PPP3CB: variants seen among roughly 807,000 people sequenced by gnomAD.
PPP3CB encodes serine/threonine-protein phosphatase 2B catalytic subunit beta isoform.
A neutral mutation model predicts 66.4 loss-of-function variants in PPP3CB; 8 were observed. The observed-to-expected ratio is 0.12, with a 90% CI of 0.07 to 0.22. The LOEUF (loss-of-function observed/expected upper bound fraction) is 0.22. PPP3CB is among the 10% of genes least tolerant of loss of function. The pLI is 1.00. For synonymous variants in PPP3CB, 208 were observed against 221.2 expected (o/e 0.94, Z 0.53); for missense variants, 319 against 642.5 (o/e 0.50, Z 5.44).
intron 1 of PPP3CB, among the ~76,000 whole-genome samples, chr10:73,480,634 C>T (rs1036226667): frequency 1.3e-5 from 2 of 151,750 alleles, no homozygotes; most frequent in African/African-American, 4.8e-5. Flanking sequence ...TAGTAGAGAC[C>T]GGGTTTCACC....
intron 12 of PPP3CB, among the ~76,000 whole-genome samples, chr10:73,443,312 G>T (rs1028874076): frequency 3.3e-4 from 44 of 131,578 alleles, no homozygotes; most frequent in African/African-American, 1.3e-3. Flanking sequence ...AAGAAAGAAA[G>T]AAAGAAAGAA....
intron 9 of PPP3CB, among the ~76,000 whole-genome samples, chr10:73,455,129 C>T (rs1450689428): frequency 6.6e-6 from 1 of 152,044 alleles, no homozygotes. Context: ...ATGATCCACC[C>T]GCCTTGGCCT....
intron 12 of PPP3CB, among the ~76,000 whole-genome samples, chr10:73,443,328 G>GAAAGAAAGAAAA (rs1425533106): frequency 4.9e-4 from 64 of 131,170 alleles, no homozygotes; most frequent in African/African-American, 1.9e-3. Context: ...AAGAAAGAAA[G>GAAAGAAAGAAAA]AAAAAGAAAG....
At chr10:73,479,577 A>G in intron 1 of PPP3CB, 60 bp from the exon 2 acceptor site, 1 of 1,485,096 alleles carries the variant, frequency 6.7e-7, no homozygotes, top group Non-Finnish European at 9.2e-7. Flanking sequence ...CTTAAAAACT[A>G]ATAATTGGAT....
At position 73,441,944 on chromosome 10, in the gene PPP3CB, A is replaced by T. The variant is rs148464235; in HGVS notation, c.1367-2043T>A. Among the ~76,000 whole-genome samples, 978 of 152,268 alleles carry T rather than the reference A, an allele frequency of 6.4e-3. 12 individuals carry two copies. Among genetic ancestry groups the T allele is most frequent in the African/African-American group, 0.022 (934 of 41,546 alleles). On this transcript the variant is annotated intron_variant, in intron 12 of 13. Transcript: ENST00000360663. ...ATAGGCACGAGGTCTTAGAATTAAA[A>T]TTTTTTCCTTTTGCAATACCTAACT...
intron 1 of PPP3CB, among the ~76,000 whole-genome samples, chr10:73,487,576 A>AC (rs2057001770): frequency 6.6e-6 from 1 of 151,098 alleles, no homozygotes; most frequent in East Asian, 1.9e-4. Flanking sequence ...AAAAAAAAAA[A>AC]AAAAAAAACA....
At chr10:73,469,386 T>G (rs1242384415) in intron 8 of PPP3CB, among the ~76,000 whole-genome samples, 1 of 152,004 alleles carries the variant, frequency 6.6e-6, no homozygotes, top group Non-Finnish European at 1.5e-5. Flanking sequence ...TATAAAAATA[T>G]AAAAATTAGC....
intron 9 of PPP3CB, among the ~76,000 whole-genome samples, chr10:73,460,902 A>G (rs2056509622): frequency 6.6e-6 from 1 of 152,238 alleles, no homozygotes; most frequent in African/African-American, 2.4e-5. Context: ...CTAGGTGCCC[A>G]GGGGCAGAGC....
intron 2 of PPP3CB, 105 bp downstream of exon 2, chr10:73,479,212 T>A: frequency 1.9e-6 from 2 of 1,037,642 alleles, no homozygotes; most frequent in East Asian, 4.8e-5. Flanking sequence ...AATGTCCAAG[T>A]AATATTGATT....
At chr10:73,462,140 CTTTTTTTTTT>C (rs1019088638) in intron 9 of PPP3CB, among the ~76,000 whole-genome samples, 32 of 94,218 alleles carry the variant, frequency 3.4e-4, no homozygotes, top group Admixed American at 3.9e-4. Context: ...TAAACTCCTT[CTTTTTTTTTT>C]TTTTTTTTTT....
In PPP3CB at chr10:73,471,493, A is replaced by T; in HGVS notation, c.644T>A (p.Ile215Lys). The change falls in exon 5 of 14, where the codon ATA (isoleucine) becomes AAA (lysine). Residue 215 changes from isoleucine to lysine, a missense_variant. Physicochemically the swap from Ile to Lys is moderately radical, Grantham distance 102. Transcript: ENST00000360663. ...TCTCCTAATATCATCCAGTGTGTGT[A>T]TTTCTGGTGAAAGTCCACCATGAAC... Reference protein sequence around the residue: ...LCVHGGLSPEIHTLDDIRRLD... With the variant: ...LCVHGGLSPEKHTLDDIRRLD... The T allele has an allele frequency of 6.2e-7, 1 of 1,610,496 alleles. No homozygotes were observed. Among genetic ancestry groups the T allele is most frequent in the Non-Finnish European group, 8.5e-7 (1 of 1,178,576 alleles).
chr10:73,471,596 C>G lies in PPP3CB; in HGVS notation c.541G>C (p.Glu181Gln), dbSNP rs1414271750. Residue 181 changes from glutamate (E) to glutamine (Q), a missense_variant, in exon 5 of 14, where the codon GAA becomes CAA. Glu to Gln is a conservative substitution (Grantham distance 29, BLOSUM62 2). Transcript: ENST00000360663. ...TCCATACAAGCTTCATAGACTCTTTCCGAATACTTAATTTTACCTAGAAAA... is the reference window on the plus strand; with the variant it reads ...TCCATACAAGCTTCATAGACTCTTTGCGAATACTTAATTTTACCTAGAAAA... ...FKQECKIKYS[E>Q]RVYEACMEAF... 1.0e-5 allele frequency: 16 copies of G among 1,596,046 alleles called. No individual in the cohort carries two copies. The highest frequency in any genetic ancestry group is 1.4e-5 in the African/African-American group (1 of 73,796).
intron 8 of PPP3CB, 82 bp from the exon 9 acceptor site, chr10:73,467,760 G>A (rs2056641536): frequency 7.5e-7 from 1 of 1,331,608 alleles, no homozygotes; most frequent in African/African-American, 1.5e-5. Context: ...ATACATAAAA[G>A]CAGAAAAATA....
At chr10:73,493,867 C>T (rs1275404095) in intron 1 of PPP3CB, among the ~76,000 whole-genome samples, 1 of 152,166 alleles carries the variant, frequency 6.6e-6, no homozygotes, top group East Asian at 1.9e-4. Context: ...CACAACTCAC[C>T]CCTAAGGAAT....
At chr10:73,483,292 A>G (rs2056913544) in intron 1 of PPP3CB, among the ~76,000 whole-genome samples, 1 of 152,258 alleles carries the variant, frequency 6.6e-6, no homozygotes, top group Admixed American at 6.5e-5. Context: ...ACTCATGAGT[A>G]GAGGTAGATG....
chr10:73,477,717 G>C (rs914904176), intron 3 of PPP3CB, among the ~76,000 whole-genome samples: 8 of 152,108 alleles, frequency 5.3e-5, no homozygotes, highest in African/African-American at 1.9e-4. Flanking sequence ...AGGAGTTCAA[G>C]ACCAGCCTGG....
intron 9 of PPP3CB, among the ~76,000 whole-genome samples, chr10:73,461,965 T>C (rs1199208629): frequency 1.3e-5 from 2 of 151,924 alleles, no homozygotes; most frequent in African/African-American, 2.4e-5. Flanking sequence ...TTGGCTGTTT[T>C]TTAAGTATCT....
At chr10:73,490,785 G>T in intron 1 of PPP3CB, among the ~76,000 whole-genome samples, 1 of 151,320 alleles carries the variant, frequency 6.6e-6, no homozygotes, top group Non-Finnish European at 1.5e-5. Context: ...CTCTCTTTCT[G>T]TTCCTTTGCT....
At position 73,479,515 on chromosome 10, in the gene PPP3CB, C is replaced by G. The variant is rs1181356023; in HGVS notation, c.88G>C (p.Val30Leu). 6.2e-7 allele frequency: 1 copy of G among 1,612,212 alleles called. No individual in the cohort carries two copies. The highest frequency in any genetic ancestry group is 1.3e-5 in the African/African-American group (1 of 74,830). The change falls in exon 2 of 14, where the codon GTC becomes CTC. Residue 30 changes from valine to leucine, a missense_variant and splice_region_variant. Transcript: ENST00000360663. ...AAGCGATGTGTTGGGGGGAAAGGGA[C>G]AGCTGCAAATGTTTTTAATTAATAA... ...PPGADRVVKA[V>L]PFPPTHRLTS...
Sources: gnomAD v4.1 joint callset for allele counts (sites outside exome capture counted in the v4.1 genomes callset) on GRCh38, gnomAD v4.1.1 for gene constraint, MANE v1.5 for transcripts, NCBI Gene and HGNC (gene_info 2026-07-23, HGNC 2026-07-21) for gene names.